Variants in RUNX1 observed in about 807,000 individuals in gnomAD.
The protein encoded by RUNX1 is RUNX family transcription factor 1.
A neutral mutation model predicts 42.8 loss-of-function variants in RUNX1; 19 were observed. That is an observed-to-expected ratio of 0.44 (90% CI 0.31 to 0.65). The LOEUF (loss-of-function observed/expected upper bound fraction) is 0.65. Ranked by LOEUF, RUNX1 falls within the 30% of genes least tolerant of loss-of-function variation. The probability of loss-of-function intolerance (pLI) is 0.07; values close to 1 mark genes in which losing one functional copy is unlikely to be tolerated. For missense variants in RUNX1, 528 were observed against 672.0 expected (o/e 0.79, Z 2.37); for synonymous variants, 271 against 289.4 (o/e 0.94, Z 0.64).
Position 35,007,909 on chromosome 21 carries a change from A to T in RUNX1, c.58+40933T>A, listed in dbSNP as rs1432323615. ...ATCCTCCCTGGTACCCAAGCTCTTC[A>T]GCCTGGCATTCACAGCCCTTTAGAA... On this transcript the variant is annotated intron_variant, in intron 2 of 8. Coordinates refer to ENST00000675419, the MANE Select transcript of RUNX1 (RefSeq NM_001754.5). Among the ~76,000 whole-genome samples, 3 of 152,130 alleles carry T rather than the reference A, an allele frequency of 2.0e-5. No homozygotes were observed. The East Asian group carries it at 5.8e-4, about 29-fold the overall frequency.
At chr21:34,855,179 C>A (rs376934752) in intron 6 of RUNX1, among the ~76,000 whole-genome samples, 1 of 152,134 alleles carries the variant, frequency 6.6e-6, no homozygotes, top group Non-Finnish European at 1.5e-5. Context: ...GACCAGCCCC[C>A]CAAGACGGGT....
chr21:34,870,258 G>A (rs1170322243), intron 5 of RUNX1, among the ~76,000 whole-genome samples: 1 of 152,186 alleles, frequency 6.6e-6, no homozygotes, highest in Non-Finnish European at 1.5e-5. Flanking sequence ...CATGGTGTTG[G>A]TGTCACTGCA....
chr21:34,865,445 A>T (rs1261808505), intron 5 of RUNX1, among the ~76,000 whole-genome samples: 1 of 152,156 alleles, frequency 6.6e-6, no homozygotes, highest in Non-Finnish European at 1.5e-5. Flanking sequence ...CTGATATGCT[A>T]TGTAAACAAG....
At chr21:34,969,313 CCT>C (rs1466230451) in intron 2 of RUNX1, among the ~76,000 whole-genome samples, 2 of 151,890 alleles carry the variant, frequency 1.3e-5, no homozygotes, top group African/African-American at 4.8e-5. Context: ...GACTGGGGAC[CCT>C]CTGACAGGTT....
intron 2 of RUNX1, among the ~76,000 whole-genome samples, chr21:34,975,211 T>C (rs1255903985): frequency 1.3e-5 from 2 of 152,254 alleles, no homozygotes; most frequent in African/African-American, 4.8e-5. Flanking sequence ...CCTCAATACC[T>C]ACAAATCAGA....
chr21:34,817,924 G>A (rs1469862247), intron 7 of RUNX1, among the ~76,000 whole-genome samples: 1 of 152,246 alleles, frequency 6.6e-6, no homozygotes, highest in Non-Finnish European at 1.5e-5. Flanking sequence ...CAAAGTGTCT[G>A]CAGACGTAAG....
At chr21:34,920,293 C>G (rs1202651193) in intron 2 of RUNX1, among the ~76,000 whole-genome samples, 7 of 152,154 alleles carry the variant, frequency 4.6e-5, no homozygotes, top group Middle Eastern at 3.2e-3. Context: ...AAAACCCCAG[C>G]CTTTTCTCCT....
At chr21:34,794,541 A>T (rs1273948755) in intron 8 of RUNX1, among the ~76,000 whole-genome samples, 1 of 152,192 alleles carries the variant, frequency 6.6e-6, no homozygotes, top group Non-Finnish European at 1.5e-5. Flanking sequence ...GAAATTGTAA[A>T]GCTTTGTCTC....
At chr21:35,020,618 G>T (rs2059191527) in intron 2 of RUNX1, among the ~76,000 whole-genome samples, 1 of 152,070 alleles carries the variant, frequency 6.6e-6, no homozygotes, top group Admixed American at 6.6e-5. Flanking sequence ...CCTCGAGGAT[G>T]GGGAAGAGGA....
intron 4 of RUNX1, among the ~76,000 whole-genome samples, chr21:34,885,053 G>C (rs2057960364): frequency 6.6e-6 from 1 of 152,148 alleles, no homozygotes; most frequent in Non-Finnish European, 1.5e-5. Flanking sequence ...AATGGCTTGA[G>C]ACTCTGAATT....
intron 2 of RUNX1, among the ~76,000 whole-genome samples, chr21:34,908,311 C>G (rs372976816): frequency 1.8e-3 from 276 of 152,170 alleles, no homozygotes; most frequent in African/African-American, 6.4e-3. Flanking sequence ...CCTGAAGTGT[C>G]AATCAGGAAG....
intron 2 of RUNX1, among the ~76,000 whole-genome samples, chr21:34,902,986 C>T (rs1029693111): frequency 2.6e-5 from 4 of 152,244 alleles, no homozygotes; most frequent in Admixed American, 6.5e-5. Flanking sequence ...TAAGGACTTT[C>T]CCATTTCACA....
intron 2 of RUNX1, among the ~76,000 whole-genome samples, chr21:35,039,813 G>T (rs1314866631): frequency 6.6e-6 from 1 of 152,132 alleles, no homozygotes; most frequent in Non-Finnish European, 1.5e-5. Flanking sequence ...TTTGTTTAAG[G>T]TTGCTTAACG....
At chr21:34,941,516 G>C (rs1322988195) in intron 2 of RUNX1, among the ~76,000 whole-genome samples, 3 of 152,176 alleles carry the variant, frequency 2.0e-5, no homozygotes, top group Non-Finnish European at 4.4e-5. Context: ...ACAAACATGG[G>C]ACCAAAGAAA....
intron 7 of RUNX1, among the ~76,000 whole-genome samples, chr21:34,827,937 T>C (rs962727043): frequency 2.0e-5 from 3 of 152,124 alleles, no homozygotes; most frequent in Non-Finnish European, 4.4e-5. Context: ...CAGGGCAATG[T>C]TGAACAGAAA....
At chr21:34,822,980 T>C (rs934083550) in intron 7 of RUNX1, among the ~76,000 whole-genome samples, 7 of 152,208 alleles carry the variant, frequency 4.6e-5, no homozygotes, top group Admixed American at 6.5e-5. Context: ...ACATATGTAG[T>C]CCTTCCAGTG....
rs1028755399 is a variant in RUNX1, at chr21:34,887,308, C to A, written c.98-212G>T. ...TTACTAACAGTCCAGGAGGGGAAAA[C>A]GTTCTGGTTCTGCGGATCGGCCTCT... On this transcript the variant is annotated intron_variant, in intron 3 of 8. Transcript: ENST00000675419. The A allele has an allele frequency of 6.2e-6, 9 of 1,454,486 alleles. No individual in the cohort carries two copies. The Admixed American group carries it at 1.9e-4, about 30-fold the overall frequency. The allele number at this position is 1,454,486 out of a possible 1,614,324, so 90.1% of individuals were successfully genotyped here.
chr21:34,825,982 T>A (rs1569029454), intron 7 of RUNX1, among the ~76,000 whole-genome samples: 1 of 152,234 alleles, frequency 6.6e-6, no homozygotes, highest in African/African-American at 2.4e-5. Context: ...AGAGAATGTA[T>A]GGTCTTGCCA....
At chr21:34,919,664 C>T (rs1159816413) in intron 2 of RUNX1, among the ~76,000 whole-genome samples, 3 of 152,152 alleles carry the variant, frequency 2.0e-5, no homozygotes, top group Non-Finnish European at 4.4e-5. Context: ...ATACTTTCTT[C>T]TTCGATTGAG....
Sources: allele counts gnomAD v4.1 joint callset (sites outside exome capture counted in the v4.1 genomes callset), GRCh38; gene constraint gnomAD v4.1.1; transcripts MANE v1.5; gene names NCBI Gene and HGNC (gene_info 2026-07-23, HGNC 2026-07-21).